Variants in HIRA observed in about 807,000 individuals in gnomAD.
HIRA encodes histone cell cycle regulator.
In HIRA, 13 loss-of-function variants were observed where a neutral mutation model predicts 126.6. The ratio of observed to expected loss-of-function variants is 0.10; its 90% CI spans 0.07 to 0.16. The LOEUF (loss-of-function observed/expected upper bound fraction) is 0.16. HIRA is among the 10% of genes least tolerant of loss of function. The pLI is 1.00. For synonymous variants in HIRA, 511 were observed against 520.0 expected, an observed-to-expected ratio of 0.98 and a Z score of 0.24; for missense variants, 834 against 1,314.4, an observed-to-expected ratio of 0.63 and a Z score of 5.65.
chr22:19,421,658 C>T (rs571473533), intron 1 of HIRA, among the ~76,000 whole-genome samples: 23 of 152,230 alleles, frequency 1.5e-4, no homozygotes, highest in Admixed American at 5.9e-4. Context: ...TCCTTCTGTT[C>T]TCTCTTAACT....
chr22:19,370,241 G>C (rs1352311607), intron 15 of HIRA, among the ~76,000 whole-genome samples: 1 of 152,076 alleles, frequency 6.6e-6, no homozygotes, highest in Non-Finnish European at 1.5e-5. Flanking sequence ...ACCACGCCTG[G>C]CCTGTTTTGT....
chr22:19,337,242 A>T (rs1257776297), intron 24 of HIRA, among the ~76,000 whole-genome samples: 8 of 152,068 alleles, frequency 5.3e-5, no homozygotes, highest in Non-Finnish European at 1.5e-5. Context: ...AACTTCAAGA[A>T]ATTTTAAAAA....
chr22:19,341,688 T>C (rs993154413), intron 24 of HIRA, among the ~76,000 whole-genome samples: 7 of 151,882 alleles, frequency 4.6e-5, no homozygotes, highest in Admixed American at 6.6e-5. Context: ...CAAACAAAAA[T>C]ACAGAGTGGG....
At chr22:19,405,712 A>C in intron 5 of HIRA, 74 bp downstream of exon 5, 1 of 1,124,686 alleles carries the variant, frequency 8.9e-7, no homozygotes, top group South Asian at 2.6e-5. Flanking sequence ...ACAGTCCCAC[A>C]GGGGACGTGG....
At chr22:19,383,544 T>G in intron 13 of HIRA, 76 bp downstream of exon 13, 3 of 1,190,034 alleles carry the variant, frequency 2.5e-6, no homozygotes, top group South Asian at 2.5e-5. Context: ...AGATCCTCAC[T>G]GTGAAAGTGT....
At chr22:19,356,429 G>A (rs2088812650) in intron 19 of HIRA, 141 bp from the exon 20 acceptor site, 1 of 687,838 alleles carries the variant, frequency 1.5e-6, no homozygotes, top group East Asian at 2.7e-5. Flanking sequence ...TGGGCTACGA[G>A]TGGCTTCTGC....
At chr22:19,416,922 C>T (rs534432441) in intron 1 of HIRA, among the ~76,000 whole-genome samples, 38 of 152,246 alleles carry the variant, frequency 2.5e-4, no homozygotes, top group African/African-American at 7.7e-4. Context: ...AAATGAGGCA[C>T]GGTGCAATGG....
At chr22:19,387,078 CT>C (rs1458671636) in intron 11 of HIRA, among the ~76,000 whole-genome samples, 1 of 152,176 alleles carries the variant, frequency 6.6e-6, no homozygotes, top group African/African-American at 2.4e-5. Context: ...TGAAGCAGGG[CT>C]TTTCTCAAAG....
chr22:19,405,749 CA>C (rs774486065), intron 5 of HIRA, 36 bp downstream of exon 5: 5 of 1,335,846 alleles, frequency 3.7e-6, no homozygotes, highest in Non-Finnish European at 4.9e-6. Flanking sequence ...AGCCAGGTGT[CA>C]GGGGCCCACC....
In HIRA at chr22:19,351,126, C is replaced by T. The variant is rs2088752478; in HGVS notation, c.2937+232G>A. 1 of 985,246 alleles carries T rather than the reference C, an allele frequency of 1.0e-6. No homozygotes were observed. Among genetic ancestry groups the T allele is most frequent in the Admixed American group, 6.1e-5 (1 of 16,268 alleles). 61.0% of individuals were successfully genotyped at this position (985,246 alleles called of 1,614,324 possible). On this transcript the variant is annotated intron_variant, in intron 24 of 24. Coordinates refer to ENST00000263208, the MANE Select transcript of HIRA (RefSeq NM_003325.4). This position sits in a 1 kb window ranked among gnomAD's most constrained non-coding sequence, Gnocchi z 4.8. ...CAGAGCCCCTGCAGGCAGCCTCCCTCAGCACAGGCACGTGGCGGAGCACTC... is the reference window on the plus strand; with the variant it reads ...CAGAGCCCCTGCAGGCAGCCTCCCTTAGCACAGGCACGTGGCGGAGCACTC...
At chr22:19,421,227 A>T (rs561826230) in intron 1 of HIRA, among the ~76,000 whole-genome samples, 1 of 151,218 alleles carries the variant, frequency 6.6e-6, no homozygotes, top group Non-Finnish European at 1.5e-5. Flanking sequence ...TGAACCCTGG[A>T]GGCAGAGATT....
At chr22:19,425,161 T>C (rs762431717) in intron 1 of HIRA, among the ~76,000 whole-genome samples, 5 of 152,160 alleles carry the variant, frequency 3.3e-5, no homozygotes, top group Admixed American at 6.5e-5. Context: ...ACCAAAAAAA[T>C]TGGGGTTCTG....
chr22:19,360,789 A>G (rs2088856245), intron 17 of HIRA, among the ~76,000 whole-genome samples: 1 of 152,214 alleles, frequency 6.6e-6, no homozygotes, highest in Non-Finnish European at 1.5e-5. Context: ...CCATTCCAAG[A>G]GCTCAAACAA....
intron 24 of HIRA, among the ~76,000 whole-genome samples, chr22:19,348,152 C>A (rs2088708866): frequency 6.6e-6 from 1 of 152,232 alleles, no homozygotes; most frequent in Non-Finnish European, 1.5e-5. Flanking sequence ...TGAACGGGAT[C>A]ATGGAGTCCC....
At position 19,397,988 on chromosome 22, in the gene HIRA, A is replaced by G; in HGVS notation, c.493+4T>C. On this transcript the variant is annotated splice_donor_region_variant and intron_variant, in intron 6 of 24. Coordinates refer to ENST00000263208, the MANE Select transcript of HIRA (RefSeq NM_003325.4). The stretch of plus-strand genomic sequence containing the variant: ...CTGTTAACCAGTCAGAGGAGGCCCC[A>G]GACCTGGGAACTTTACAGCATTCCA... 1 of 1,612,576 alleles carries G rather than the reference A, an allele frequency of 6.2e-7. No individual in the cohort carries two copies. Among genetic ancestry groups the G allele is most frequent in the Non-Finnish European group, 8.5e-7 (1 of 1,178,770 alleles).
intron 24 of HIRA, among the ~76,000 whole-genome samples, chr22:19,339,635 C>CAA (rs147574342): frequency 5.7e-4 from 39 of 68,594 alleles, no homozygotes; most frequent in African/African-American, 1.2e-3. Context: ...GACTCCGTCT[C>CAA]AAAAAAAAAA....
chr22:19,400,851 C>T (rs2089262476), intron 5 of HIRA, among the ~76,000 whole-genome samples: 1 of 152,146 alleles, frequency 6.6e-6, no homozygotes, highest in Non-Finnish European at 1.5e-5. Flanking sequence ...AGAGGCCTTC[C>T]ATGACAAATC....
At chr22:19,350,200 T>C (rs1224886238) in intron 24 of HIRA, among the ~76,000 whole-genome samples, 11 of 152,124 alleles carry the variant, frequency 7.2e-5, no homozygotes, top group Non-Finnish European at 8.8e-5. Flanking sequence ...CTCTTCTCAT[T>C]TGCTTAGTCT....
chr22:19,339,806 C>T (rs2088607148), intron 24 of HIRA, among the ~76,000 whole-genome samples: 1 of 152,230 alleles, frequency 6.6e-6, no homozygotes, highest in South Asian at 2.1e-4. Context: ...ATATAACCCT[C>T]CTAGATTCAT....
Sources: gnomAD v4.1 joint callset for allele counts (sites outside exome capture counted in the v4.1 genomes callset) on GRCh38, gnomAD v4.1.1 for gene constraint, Gnocchi (gnomAD v3.1) non-coding constraint, MANE v1.5 for transcripts, NCBI Gene and HGNC (gene_info 2026-07-23, HGNC 2026-07-21) for gene names.